The following GTF2H5 variants were observed in gnomAD, a reference collection of about 807,000 sequenced individuals.
GTF2H5 encodes the protein general transcription factor IIH subunit 5, also known as TFB5 ortholog.
In GTF2H5, 5 loss-of-function variants were observed where a neutral mutation model predicts 7.1. The ratio of observed to expected loss-of-function variants is 0.71; its 90% CI spans 0.37 to 1.49. GTF2H5 has a LOEUF of 1.49. Ranked by LOEUF, GTF2H5 falls within the 40% of genes most tolerant of loss-of-function variation. The pLI is 0.03. For missense variants in GTF2H5, 80 were observed against 83.0 expected (o/e 0.96, Z 0.14); for synonymous variants, 30 against 31.7 (o/e 0.95, Z 0.18).
At position 158,198,833 on chromosome 6, in the gene GTF2H5, C is replaced by T. The variant is rs1301599329; in HGVS notation, c.*6676C>T. ...CATTCTTCATCCCTCCCTCCCTTTCCTGCAGTTAATTATTTCTTTGAAATT... is the reference window on the plus strand; with the variant it reads ...CATTCTTCATCCCTCCCTCCCTTTCTTGCAGTTAATTATTTCTTTGAAATT... On this transcript the variant is annotated 3_prime_UTR_variant, in exon 3 of 3. Transcript: ENST00000607778. The T allele has an allele frequency of 6.6e-6, 1 of 152,160 alleles. No individual in the cohort carries two copies. The highest frequency in any genetic ancestry group is 1.5e-5 in the Non-Finnish European group (1 of 68,034). The allele number at this position is 152,160 out of a possible 1,614,324, so 9.4% of individuals were successfully genotyped here.
chr6:158,175,447 A>G (rs531068488), intron 2 of GTF2H5, among the ~76,000 whole-genome samples: 11 of 152,322 alleles, frequency 7.2e-5, no homozygotes, highest in Non-Finnish European at 1.0e-4. Flanking sequence ...CTTTAACACA[A>G]TAACTCCGTT....
intron 2 of GTF2H5, chr6:158,191,074 T>A: frequency 2.8e-6 from 1 of 352,020 alleles, no homozygotes; most frequent in East Asian, 7.5e-5. Context: ...TGACATTATC[T>A]CCTTTAATTT....
chr6:158,169,686 A>ATATATATTATATAATGTATAT lies in GTF2H5; in HGVS notation c.-34-769_-34-768insGTATATTATATATTATATAAT, dbSNP rs1562469174. 6.9e-3 allele frequency among the ~76,000 whole-genome samples: 205 copies of ATATATATTATATAATGTATAT among 29,736 alleles called. 22 individuals carry two copies. Among genetic ancestry groups the ATATATATTATATAATGTATAT allele is most frequent in the East Asian group, 0.018 (9 of 492 alleles). 19.5% of individuals were successfully genotyped at this position (29,736 alleles called of 152,430 possible). ...TATATTGTATATTATATAATATATA[A>ATATATATTATATAATGTATAT]TATATATTATATAATATATTGTATA... On this transcript the variant is annotated intron_variant, in intron 1 of 2. Coordinates refer to ENST00000607778, the MANE Select transcript of GTF2H5 (RefSeq NM_207118.3).
At chr6:158,182,028 A>G (rs966056775) in intron 2 of GTF2H5, among the ~76,000 whole-genome samples, 5 of 152,000 alleles carry the variant, frequency 3.3e-5, no homozygotes, top group Non-Finnish European at 7.4e-5. Context: ...GTTCCTTTCC[A>G]TGTTTAGTGT....
chr6:158,190,267 C>G (rs1777004850), intron 2 of GTF2H5, among the ~76,000 whole-genome samples: 1 of 152,180 alleles, frequency 6.6e-6, no homozygotes, highest in African/African-American at 2.4e-5. Context: ...AAAATCTCCT[C>G]CAGTCTTCCA....
In GTF2H5 at chr6:158,169,622, AATATATTGTATATTAC is replaced by A. The variant is rs1236314284; in HGVS notation, c.-34-826_-34-811del. 1.2e-4 allele frequency among the ~76,000 whole-genome samples: 10 copies of A among 85,894 alleles called. 1 individual carries two copies. Among genetic ancestry groups the A allele is most frequent in the Admixed American group, 6.0e-4 (3 of 4,986 alleles). 56.3% of individuals were successfully genotyped at this position (85,894 alleles called of 152,430 possible). A position where few individuals can be genotyped will look rare whatever the true frequency, so the allele number is the denominator to read the frequency against. On this transcript the variant is annotated intron_variant, in intron 1 of 2. Transcript: ENST00000607778. ...ATTACATATATTGTATATTACATAT[AATATATTGTATATTAC>A]ATATATTGTATATTACATATAATAT...
chr6:158,169,725 A>AAT (rs1562469342), intron 1 of GTF2H5, among the ~76,000 whole-genome samples: 1 of 68,214 alleles, frequency 1.5e-5, no homozygotes, highest in Non-Finnish European at 2.4e-5. Context: ...TATATTATAT[A>AAT]ATATATTGTA....
chr6:158,176,145 C>G (rs557162522), intron 2 of GTF2H5, among the ~76,000 whole-genome samples: 1 of 152,188 alleles, frequency 6.6e-6, no homozygotes, highest in Non-Finnish European at 1.5e-5. Flanking sequence ...GATTTTAAAT[C>G]CCGGTATTCT....
intron 1 of GTF2H5, 112 bp from the exon 2 acceptor site, chr6:158,170,358 T>G: frequency 1.5e-6 from 1 of 681,520 alleles, no homozygotes. Context: ...TTTCATAGAC[T>G]TAACTGTTAA....
At position 158,198,386 on chromosome 6, in the gene GTF2H5, A is replaced by G. The variant is rs563099120; in HGVS notation, c.*6229A>G. The stretch of plus-strand genomic sequence containing the variant: ...TCACAATCCATTGAAAGACTAGGCT[A>G]TTTTTTCACTGTCCTCAGACATTTA... On this transcript the variant is annotated 3_prime_UTR_variant, in exon 3 of 3. Transcript: ENST00000607778. The G allele has an allele frequency of 2.6e-5, 4 of 152,162 alleles. No homozygotes were observed. In the South Asian group the frequency reaches 6.2e-4, roughly 24 times the overall value. 9.4% of individuals were successfully genotyped at this position (152,162 alleles called of 1,614,324 possible). A position where few individuals can be genotyped will look rare whatever the true frequency, so the allele number is the denominator to read the frequency against.
intron 1 of GTF2H5, among the ~76,000 whole-genome samples, chr6:158,169,518 A>C (rs1334421615): frequency 1.2e-5 from 1 of 82,454 alleles, no homozygotes; most frequent in Non-Finnish European, 2.1e-5. Flanking sequence ...TGTATATTAT[A>C]TATAATATAC....
In GTF2H5 at chr6:158,192,063, C is replaced by T. The variant is rs956068957; in HGVS notation, c.122C>T (p.Thr41Ile). The change falls in exon 3 of 3, where the codon ACT (threonine) becomes ATT (isoleucine). Residue 41 changes from threonine (T) to isoleucine (I), a missense_variant. Physicochemically the swap from Thr to Ile is moderately conservative, Grantham distance 89. Transcript: ENST00000607778. The part of the protein sequence containing the change: ...KKFIIQDIDD[T>I]HVFVIAELVN... ...TTCATCATTCAAGACATTGATGACA[C>T]TCACGTCTTTGTAATAGCAGAATTG... The T allele has an allele frequency of 9.3e-6, 15 of 1,612,172 alleles. No homozygotes were observed. Among genetic ancestry groups the T allele is most frequent in the Non-Finnish European group, 1.2e-5 (14 of 1,178,354 alleles).
chr6:158,169,290 T>TATATAAA (rs1785705389), intron 1 of GTF2H5, among the ~76,000 whole-genome samples: 2 of 126,904 alleles, frequency 1.6e-5, no homozygotes, highest in Non-Finnish European at 3.2e-5. Context: ...TAATATATAT[T>TATATAAA]TATTTTATAT....
intron 2 of GTF2H5, among the ~76,000 whole-genome samples, chr6:158,180,014 A>G (rs886294255): frequency 3.3e-5 from 5 of 152,194 alleles, no homozygotes; most frequent in Non-Finnish European, 5.9e-5. Flanking sequence ...TAAGAGATAC[A>G]TTCCATCGAT....
chr6:158,168,766 C>T (rs928193338), intron 1 of GTF2H5, among the ~76,000 whole-genome samples: 1 of 152,254 alleles, frequency 6.6e-6, no homozygotes, highest in Non-Finnish European at 1.5e-5. Context: ...CCAGGAACTA[C>T]GGCTTAATCT....
intron 2 of GTF2H5, among the ~76,000 whole-genome samples, chr6:158,174,872 C>T (rs765916353): frequency 2.0e-5 from 3 of 152,102 alleles, no homozygotes; most frequent in Non-Finnish European, 4.4e-5. Context: ...TTATGAGAAG[C>T]GAAGTAAGAA....
rs2128433204 is a variant in GTF2H5 at position 158,198,125 on chromosome 6, A to G, written c.*5968A>G. 6.6e-6 allele frequency: 1 copy of G among 152,328 alleles called. No homozygotes were observed. Among genetic ancestry groups the G allele is most frequent in the East Asian group, 1.9e-4 (1 of 5,186 alleles). 9.4% of individuals were successfully genotyped at this position (152,328 alleles called of 1,614,324 possible). On this transcript the variant is annotated 3_prime_UTR_variant, in exon 3 of 3. Transcript: ENST00000607778. ...TAAAGGGGAAGATAGAAACACACAC[A>G]TATGCGTTGTTTTCCCCACTTTCAC...
intron 2 of GTF2H5, among the ~76,000 whole-genome samples, chr6:158,188,967 A>G (rs919805637): frequency 5.5e-5 from 3 of 54,410 alleles, no homozygotes; most frequent in African/African-American, 7.5e-5. Context: ...ACCCACCGCA[A>G]TCCTTTCCAC....
Position 158,169,623 on chromosome 6 carries a change from ATATAT to A in GTF2H5, c.-34-845_-34-841del, listed in dbSNP as rs1156579023. Among the ~76,000 whole-genome samples the A allele has an allele frequency of 1.7e-4, 14 of 83,768 alleles. 2 individuals carry two copies. The highest frequency in any genetic ancestry group is 2.1e-4 in the Admixed American group (1 of 4,764). 55.0% of individuals were successfully genotyped at this position (83,768 alleles called of 152,430 possible). ...TTACATATATTGTATATTACATATA[ATATAT>A]TGTATATTACATATATTGTATATTA... On this transcript the variant is annotated intron_variant, in intron 1 of 2. Transcript: ENST00000607778.
Sources: gnomAD v4.1 joint callset for allele counts (sites outside exome capture counted in the v4.1 genomes callset) on GRCh38, gnomAD v4.1.1 for gene constraint, MANE v1.5 for transcripts, NCBI Gene and HGNC (gene_info 2026-07-23, HGNC 2026-07-21) for gene names.